The following NFIA variants were observed in gnomAD, a reference collection of about 807,000 sequenced individuals.
NFIA encodes the protein nuclear factor I A.
In NFIA, 8 loss-of-function variants were observed where a neutral mutation model predicts 62.8. The ratio of observed to expected loss-of-function variants is 0.13; its 90% CI spans 0.07 to 0.23. The LOEUF (loss-of-function observed/expected upper bound fraction) is 0.23. NFIA is among the 10% of genes least tolerant of loss of function. The probability of loss-of-function intolerance (pLI) is 1.00; values close to 1 mark genes in which losing one functional copy is unlikely to be tolerated. For missense variants in NFIA, 410 were observed against 642.1 expected (o/e 0.64, Z 3.91); for synonymous variants, 235 against 238.1 (o/e 0.99, Z 0.12).
At chr1:61,119,385 G>C (rs995501530) in intron 2 of NFIA, among the ~76,000 whole-genome samples, 10 of 152,184 alleles carry the variant, frequency 6.6e-5, no homozygotes, top group Admixed American at 3.9e-4. Context: ...TACACTTTTA[G>C]AAATAGCTCT....
intron 3 of NFIA, among the ~76,000 whole-genome samples, chr1:61,287,122 T>C (rs939593459): frequency 6.6e-6 from 1 of 152,054 alleles, no homozygotes; most frequent in Non-Finnish European, 1.5e-5. Context: ...ATTCATTTCT[T>C]GGTACAGTAG....
chr1:61,234,534 CCCACCTA>C (rs369493806), intron 2 of NFIA, among the ~76,000 whole-genome samples: 2 of 152,104 alleles, frequency 1.3e-5, no homozygotes, highest in African/African-American at 4.8e-5. Context: ...CTTGTTTCTA[CCCACCTA>C]CCATATTACT....
chr1:61,430,968 C>T (rs950496025), intron 10 of NFIA, among the ~76,000 whole-genome samples: 1 of 152,112 alleles, frequency 6.6e-6, no homozygotes, highest in African/African-American at 2.4e-5. Flanking sequence ...ACTGTGGCCA[C>T]TTGTCCCACC....
At chr1:61,266,195 A>G (rs554167146) in intron 2 of NFIA, among the ~76,000 whole-genome samples, 4 of 152,246 alleles carry the variant, frequency 2.6e-5, no homozygotes, top group South Asian at 2.1e-4. Context: ...ACCAGAAAGT[A>G]GACCTCCTGA....
In NFIA at chr1:61,445,748, C is replaced by T. The variant is rs367872436; in HGVS notation, c.1513-9555C>T. On this transcript the variant is annotated intron_variant, in intron 10 of 10. Coordinates refer to ENST00000403491, the MANE Select transcript of NFIA (RefSeq NM_001134673.4). ...CACATACCTCCCATCTAGATTATAT[C>T]AGTGCCTCATGTAATTATGCTCCTT... 3.9e-5 allele frequency among the ~76,000 whole-genome samples: 6 copies of T among 152,230 alleles called. No homozygotes were observed. In the East Asian group the frequency reaches 7.7e-4, roughly 20 times the overall value.
At chr1:61,162,860 T>G (rs990743481) in intron 2 of NFIA, among the ~76,000 whole-genome samples, 4 of 149,450 alleles carry the variant, frequency 2.7e-5, no homozygotes, top group Non-Finnish European at 5.9e-5. Context: ...AAATGGAAAA[T>G]GGCTGAGGAA....
chr1:61,378,326 A>G (rs1177838375), intron 6 of NFIA, among the ~76,000 whole-genome samples: 1 of 152,200 alleles, frequency 6.6e-6, no homozygotes, highest in Non-Finnish European at 1.5e-5. Context: ...GAAATTTTCA[A>G]AAGTATTTAT....
At chr1:61,170,159 A>T (rs1218563091) in intron 2 of NFIA, among the ~76,000 whole-genome samples, 2 of 152,112 alleles carry the variant, frequency 1.3e-5, no homozygotes. Context: ...TCATGCATAG[A>T]CAACTGTCTG....
At chr1:61,188,658 A>G (rs1415539798) in intron 2 of NFIA, among the ~76,000 whole-genome samples, 1 of 152,188 alleles carries the variant, frequency 6.6e-6, no homozygotes, top group Non-Finnish European at 1.5e-5. Flanking sequence ...TGACTCTTCT[A>G]GGGCATTTAT....
intron 2 of NFIA, among the ~76,000 whole-genome samples, chr1:61,267,352 A>C (rs1485939979): frequency 6.6e-6 from 1 of 152,120 alleles, no homozygotes; most frequent in Non-Finnish European, 1.5e-5. Flanking sequence ...CTACCAAAAA[A>C]CACAAAAATT....
At chr1:61,446,950 T>C (rs1222521571) in intron 10 of NFIA, among the ~76,000 whole-genome samples, 1 of 152,100 alleles carries the variant, frequency 6.6e-6, no homozygotes, top group Admixed American at 6.6e-5. Context: ...ACAAGAAAGG[T>C]TACCTCCCTG....
intron 2 of NFIA, among the ~76,000 whole-genome samples, chr1:61,094,264 G>A (rs1646373350): frequency 6.6e-6 from 1 of 152,066 alleles, no homozygotes; most frequent in Non-Finnish European, 1.5e-5. Context: ...AGGAGGAAGA[G>A]AATGAATGAA....
At chr1:61,156,227 AT>A (rs1217597207) in intron 2 of NFIA, among the ~76,000 whole-genome samples, 6 of 152,176 alleles carry the variant, frequency 3.9e-5, no homozygotes, top group Non-Finnish European at 7.3e-5. Context: ...TCTAAGCCCC[AT>A]TTTCCAGATA....
intron 3 of NFIA, among the ~76,000 whole-genome samples, chr1:61,326,356 G>A (rs1450293362): frequency 6.6e-6 from 1 of 152,220 alleles, no homozygotes; most frequent in African/African-American, 2.4e-5. Flanking sequence ...GAGGGAATAT[G>A]TGGATGGTTC....
chr1:61,448,840 GT>G (rs1667940288), intron 10 of NFIA, among the ~76,000 whole-genome samples: 1 of 152,174 alleles, frequency 6.6e-6, no homozygotes, highest in South Asian at 2.1e-4. Context: ...AATGTACTTG[GT>G]GGTAAGAGAG....
intron 3 of NFIA, among the ~76,000 whole-genome samples, chr1:61,302,935 A>G (rs1407998298): frequency 6.6e-6 from 1 of 152,192 alleles, no homozygotes; most frequent in East Asian, 1.9e-4. Flanking sequence ...AGAAAGGGAA[A>G]TGTATCTTTA....
chr1:61,247,536 A>T (rs1189107257), intron 2 of NFIA, among the ~76,000 whole-genome samples: 4 of 152,084 alleles, frequency 2.6e-5, no homozygotes, highest in Non-Finnish European at 5.9e-5. Context: ...ACAGCTCCCC[A>T]CCTGGCACGG....
Position 61,182,604 on chromosome 1 carries a change from C to T in NFIA, c.559+93924C>T, listed in dbSNP as rs142901844. Among the ~76,000 whole-genome samples, 476 of 152,098 alleles carry T rather than the reference C, an allele frequency of 3.1e-3. 5 individuals carry two copies. The South Asian group carries it at 0.033, about 11-fold the overall frequency. On this transcript the variant is annotated intron_variant, in intron 2 of 10. Coordinates refer to ENST00000403491, the MANE Select transcript of NFIA (RefSeq NM_001134673.4). The stretch of plus-strand genomic sequence containing the variant: ...ATTTTCAACAAACAGCAAATGTTTC[C>T]GTTAAACAAATGTGTATTTTATTTG...
At chr1:61,276,746 T>C (rs1329108393) in intron 2 of NFIA, among the ~76,000 whole-genome samples, 1 of 152,162 alleles carries the variant, frequency 6.6e-6, no homozygotes, top group Admixed American at 6.5e-5. Flanking sequence ...TACTTTGATT[T>C]TCCCTTATTT....
Sources: gnomAD v4.1 joint callset for allele counts (sites outside exome capture counted in the v4.1 genomes callset) on GRCh38, gnomAD v4.1.1 for gene constraint, MANE v1.5 for transcripts, NCBI Gene and HGNC (gene_info 2026-07-23, HGNC 2026-07-21) for gene names.